KLF12: variants seen among roughly 807,000 people sequenced by gnomAD.
KLF12 encodes KLF transcription factor 12, also known as Krueppel-like factor 12.
A neutral mutation model predicts 37.8 loss-of-function variants in KLF12; 9 were observed. That is an observed-to-expected ratio of 0.24 (90% CI 0.14 to 0.42). The LOEUF (loss-of-function observed/expected upper bound fraction) is 0.42, where lower values mean the gene tolerates loss of function less well. KLF12 is among the 10% of genes least tolerant of loss of function. The probability of loss-of-function intolerance (pLI) is 1.00; values close to 1 mark genes in which losing one functional copy is unlikely to be tolerated. For missense variants in KLF12, 411 were observed against 516.0 expected (o/e 0.80, Z 1.97); for synonymous variants, 208 against 202.1 (o/e 1.03, Z -0.25).
intron 3 of KLF12, among the ~76,000 whole-genome samples, chr13:73,909,403 G>A (rs1391717360): frequency 6.6e-6 from 1 of 152,142 alleles, no homozygotes; most frequent in Non-Finnish European, 1.5e-5. Flanking sequence ...TACACATGAT[G>A]AAGCATACAA....
intron 1 of KLF12, among the ~76,000 whole-genome samples, chr13:74,104,595 G>A (rs1375142458): frequency 8.5e-5 from 13 of 152,100 alleles, no homozygotes. Context: ...GTAACAGACT[G>A]AAAATATAAT....
At chr13:73,991,187 T>G (rs1891961092) in intron 2 of KLF12, among the ~76,000 whole-genome samples, 1 of 152,228 alleles carries the variant, frequency 6.6e-6, no homozygotes, top group Non-Finnish European at 1.5e-5. Context: ...ATACACATAC[T>G]AGTTGGTATC....
intron 5 of KLF12, among the ~76,000 whole-genome samples, chr13:73,791,726 A>AC (rs1313518604): frequency 9.9e-5 from 15 of 152,158 alleles, no homozygotes; most frequent in Admixed American, 9.8e-4. Context: ...TATATAAATT[A>AC]CCCCCAAATT....
In KLF12 at chr13:73,734,345, T is replaced by G. The variant is rs115188773; in HGVS notation, c.870-18820A>C. 4.7e-3 allele frequency among the ~76,000 whole-genome samples: 722 copies of G among 152,232 alleles called. 8 individuals are homozygous for G. The highest frequency in any genetic ancestry group is 0.016 in the African/African-American group (680 of 41,556). ...CTTAACATTATATGGTATATTTATT[T>G]GTTCATAATCCATCTCTCTCAGCAG... On this transcript the variant is annotated intron_variant, in intron 6 of 7. Coordinates refer to ENST00000377669, the MANE Select transcript of KLF12 (RefSeq NM_007249.5).
At chr13:74,274,706 G>T in the KLF12 span, among the ~76,000 whole-genome samples, 1 of 150,938 alleles carries the variant, frequency 6.6e-6, no homozygotes, top group African/African-American at 2.4e-5. Context: ...TATAATTGAA[G>T]TTGAATATTT....
chr13:73,700,219 A>G (rs1242274723), intron 7 of KLF12, among the ~76,000 whole-genome samples: 1 of 152,138 alleles, frequency 6.6e-6, no homozygotes, highest in Non-Finnish European at 1.5e-5. Flanking sequence ...GTGAGCTGAG[A>G]TGGTGCTACC....
intron 2 of KLF12, among the ~76,000 whole-genome samples, chr13:73,984,047 G>A (rs1470196825): frequency 6.6e-6 from 1 of 152,192 alleles, no homozygotes; most frequent in African/African-American, 2.4e-5. Flanking sequence ...GAAAATCAAG[G>A]AAAGAACAGG....
At chr13:74,079,342 A>T (rs1483229699) in intron 1 of KLF12, among the ~76,000 whole-genome samples, 2 of 152,208 alleles carry the variant, frequency 1.3e-5, no homozygotes, top group Non-Finnish European at 2.9e-5. Context: ...ACTTGATGCT[A>T]GTGAATTGTA....
At chr13:73,823,834 C>T (rs1190432841) in intron 4 of KLF12, among the ~76,000 whole-genome samples, 1 of 152,088 alleles carries the variant, frequency 6.6e-6, no homozygotes, top group Non-Finnish European at 1.5e-5. Flanking sequence ...TCTCAGCCTC[C>T]CGAGTAGCTG....
chr13:74,298,613 G>A, the KLF12 span, among the ~76,000 whole-genome samples: 14 of 152,170 alleles, frequency 9.2e-5, no homozygotes, highest in Non-Finnish European at 1.3e-4. Context: ...AAATGGCAGG[G>A]TTTTATCAGC....
intron 1 of KLF12, among the ~76,000 whole-genome samples, chr13:74,041,870 T>C (rs1359528820): frequency 1.3e-5 from 2 of 152,208 alleles, no homozygotes; most frequent in Non-Finnish European, 2.9e-5. Context: ...ATAAATACCC[T>C]GCTCCTTAAT....
chr13:74,091,384 G>A lies in KLF12; in HGVS notation c.-32+42355C>T, dbSNP rs183108572. Among the ~76,000 whole-genome samples, 424 of 152,216 alleles carry A rather than the reference G, an allele frequency of 2.8e-3. 2 individuals carry two copies. Among genetic ancestry groups the A allele is most frequent in the Non-Finnish European group, 3.7e-3 (254 of 68,024 alleles). The stretch of plus-strand genomic sequence containing the variant: ...AAACTGATCTTTTTATAATACCTCC[G>A]TAGTTTTGACTCTCCTAGAATGTTA... On this transcript the variant is annotated intron_variant, in intron 1 of 7. Coordinates refer to ENST00000377669, the MANE Select transcript of KLF12 (RefSeq NM_007249.5).
At position 73,922,512 on chromosome 13, in the gene KLF12, A is replaced by G. The variant is rs529450994; in HGVS notation, c.123+21469T>C. Among the ~76,000 whole-genome samples the G allele has an allele frequency of 4.1e-4, 63 of 152,284 alleles. 1 individual carries two copies. The highest frequency in any genetic ancestry group is 6.8e-3 in the Middle Eastern group (2 of 294). On this transcript the variant is annotated intron_variant, in intron 3 of 7. Coordinates refer to ENST00000377669, the MANE Select transcript of KLF12 (RefSeq NM_007249.5). ...AATCTTATGTGTAAGATTTTATACA[A>G]TTTGTTTATTAATTTTGTTTTGTTG...
At chr13:74,086,983 A>G (rs990644613) in intron 1 of KLF12, among the ~76,000 whole-genome samples, 1 of 152,092 alleles carries the variant, frequency 6.6e-6, no homozygotes, top group African/African-American at 2.4e-5. Flanking sequence ...GAAGAGGAGG[A>G]GTTGGTCTTG....
At chr13:74,037,719 C>T (rs960954081) in intron 1 of KLF12, among the ~76,000 whole-genome samples, 1 of 152,116 alleles carries the variant, frequency 6.6e-6, no homozygotes, top group Admixed American at 6.5e-5. Flanking sequence ...CAATTCATTA[C>T]TCTAGGAAAG....
chr13:73,723,531 A>T (rs908983812), intron 6 of KLF12, among the ~76,000 whole-genome samples: 1 of 151,970 alleles, frequency 6.6e-6, no homozygotes, highest in Non-Finnish European at 1.5e-5. Flanking sequence ...TCAGAATAGG[A>T]TTAATTATTT....
At chr13:74,286,821 G>A in the KLF12 span, among the ~76,000 whole-genome samples, 3 of 152,082 alleles carry the variant, frequency 2.0e-5, no homozygotes, top group Admixed American at 6.5e-5. Context: ...TTTTCTCATC[G>A]TGAATGGATT....
At chr13:73,919,925 C>A (rs1889033771) in intron 3 of KLF12, among the ~76,000 whole-genome samples, 1 of 152,046 alleles carries the variant, frequency 6.6e-6, no homozygotes, top group African/African-American at 2.4e-5. Context: ...AAATTTTTCT[C>A]CCCTGAATTT....
intron 5 of KLF12, among the ~76,000 whole-genome samples, chr13:73,786,807 C>T (rs993932172): frequency 6.6e-6 from 1 of 150,794 alleles, no homozygotes; most frequent in Non-Finnish European, 1.5e-5. Flanking sequence ...CACCTGTAGT[C>T]CCAGTGACTT....
Sources: gnomAD v4.1 joint callset for allele counts (sites outside exome capture counted in the v4.1 genomes callset) on GRCh38, gnomAD v4.1.1 for gene constraint, MANE v1.5 for transcripts, NCBI Gene and HGNC (gene_info 2026-07-23, HGNC 2026-07-21) for gene names.